Variants in TFPI observed in about 807,000 individuals in gnomAD.
TFPI encodes tissue factor pathway inhibitor.
Under a neutral mutation model 34.6 loss-of-function variants are expected in TFPI, and 15 were observed. The ratio of observed to expected loss-of-function variants is 0.43; its 90% CI spans 0.29 to 0.67. TFPI has a LOEUF of 0.67. Ranked by LOEUF, TFPI falls within the 30% of genes least tolerant of loss-of-function variation. The pLI, the probability that TFPI is intolerant of heterozygous loss-of-function variation, is 0.15. For missense variants in TFPI, 301 were observed against 364.0 expected (o/e 0.83, Z 1.41); for synonymous variants, 105 against 120.1 (o/e 0.87, Z 0.82).
At chr2:187,502,037 A>T (rs1195005248) in intron 2 of TFPI, among the ~76,000 whole-genome samples, 1 of 152,168 alleles carries the variant, frequency 6.6e-6, no homozygotes, top group Non-Finnish European at 1.5e-5. Context: ...TCTCCTAAAT[A>T]GAATTTTTTC....
In TFPI at chr2:187,522,565, A is replaced by G. The variant is rs182896718; in HGVS notation, c.-2-18795T>C. Among the ~76,000 whole-genome samples, 13 of 151,966 alleles carry G rather than the reference A, an allele frequency of 8.6e-5. No homozygotes were observed. The East Asian group carries it at 1.9e-3, about 23-fold the overall frequency. On this transcript the variant is annotated intron_variant, in intron 1 of 7. Transcript: ENST00000233156. ...GAGGGCAGATCTATTTTGTCTTCCT[A>G]TCACAAAACAAACAGAAAACGAAAA... is the stretch of plus-strand genomic sequence containing the variant.
At chr2:187,469,050 A>G (rs1484693127) in intron 6 of TFPI, among the ~76,000 whole-genome samples, 1 of 152,034 alleles carries the variant, frequency 6.6e-6, no homozygotes, top group African/African-American at 2.4e-5. Context: ...AGATGAACAG[A>G]CTGTAAAAGA....
chr2:187,468,136 C>G (rs1691819125), intron 6 of TFPI, among the ~76,000 whole-genome samples: 1 of 151,972 alleles, frequency 6.6e-6, no homozygotes, highest in South Asian at 2.1e-4. Flanking sequence ...AGATCTTTCT[C>G]CAATGAATTA....
chr2:187,544,970 C>A (rs1018327552), intron 1 of TFPI, among the ~76,000 whole-genome samples: 7 of 151,958 alleles, frequency 4.6e-5, no homozygotes, highest in African/African-American at 1.7e-4. Flanking sequence ...CAAAAATAAG[C>A]CGGTTGTGGT....
chr2:187,534,491 A>G (rs1356174964), intron 1 of TFPI, among the ~76,000 whole-genome samples: 1 of 152,232 alleles, frequency 6.6e-6, no homozygotes, highest in Non-Finnish European at 1.5e-5. Context: ...TGAAGTATAA[A>G]TAAAATATTT....
chr2:187,484,740 G>A (rs1435915796), intron 5 of TFPI, 71 bp downstream of exon 5: 1 of 1,381,178 alleles, frequency 7.2e-7, no homozygotes, highest in Non-Finnish European at 9.8e-7. Flanking sequence ...AGTATAGAAT[G>A]CCATCTGAGA....
At chr2:187,486,786 T>G (rs1347728613) in intron 4 of TFPI, among the ~76,000 whole-genome samples, 1 of 151,684 alleles carries the variant, frequency 6.6e-6, no homozygotes, top group African/African-American at 2.4e-5. Flanking sequence ...GAATGCAGAC[T>G]GGATAAGCTA....
intron 6 of TFPI, among the ~76,000 whole-genome samples, chr2:187,469,348 A>G (rs1227309715): frequency 6.6e-6 from 1 of 152,142 alleles, no homozygotes; most frequent in Non-Finnish European, 1.5e-5. Flanking sequence ...GTCTTTGACT[A>G]GGTATATATG....
intron 6 of TFPI, among the ~76,000 whole-genome samples, chr2:187,481,221 A>G (rs1424837881): frequency 6.6e-6 from 1 of 152,070 alleles, no homozygotes; most frequent in African/African-American, 2.4e-5. Context: ...ACTTTAAAGG[A>G]TTTACAGCTT....
chr2:187,512,774 T>TG (rs199608529), intron 1 of TFPI, among the ~76,000 whole-genome samples: 6,510 of 151,386 alleles, frequency 0.043, 397 homozygotes, highest in African/African-American at 0.14. Flanking sequence ...GAAAAAAAGT[T>TG]GGGGGGGGCC....
intron 1 of TFPI, among the ~76,000 whole-genome samples, chr2:187,539,344 T>C (rs1378605752): frequency 2.0e-5 from 3 of 152,170 alleles, no homozygotes; most frequent in Non-Finnish European, 2.9e-5. Flanking sequence ...AATATATTGA[T>C]GTTATTTTAT....
intron 1 of TFPI, among the ~76,000 whole-genome samples, chr2:187,537,737 T>C (rs1688341494): frequency 6.6e-6 from 1 of 151,894 alleles, no homozygotes. Flanking sequence ...AATTGACAAA[T>C]GGGATCTAAT....
intron 1 of TFPI, among the ~76,000 whole-genome samples, chr2:187,523,622 T>C (rs547910653): frequency 5.3e-5 from 8 of 152,276 alleles, no homozygotes; most frequent in African/African-American, 1.9e-4. Flanking sequence ...CTCTTTGTGC[T>C]GTAGCTGTCT....
intron 4 of TFPI, among the ~76,000 whole-genome samples, chr2:187,486,481 T>G (rs1259486468): frequency 6.6e-6 from 1 of 151,440 alleles, no homozygotes; most frequent in African/African-American, 2.4e-5. Context: ...ACACCTAATA[T>G]GTACCCACAA....
intron 1 of TFPI, chr2:187,519,200 A>T (rs575405499): frequency 6.6e-6 from 1 of 152,192 alleles, no homozygotes; most frequent in East Asian, 1.9e-4. Context: ...AAGGAGTGTG[A>T]TCTGTTGGAG....
intron 3 of TFPI, among the ~76,000 whole-genome samples, chr2:187,490,220 G>C (rs1685025758): frequency 6.6e-6 from 1 of 151,606 alleles, no homozygotes; most frequent in Non-Finnish European, 1.5e-5. Context: ...GGGTGTGCAA[G>C]GAGAGTGTTA....
intron 2 of TFPI, among the ~76,000 whole-genome samples, chr2:187,497,378 T>C (rs1685556584): frequency 6.6e-6 from 1 of 152,042 alleles, no homozygotes; most frequent in Non-Finnish European, 1.5e-5. Context: ...ACAATAGACC[T>C]CTTTTAACTC....
intron 1 of TFPI, among the ~76,000 whole-genome samples, chr2:187,540,720 A>G (rs1688533582): frequency 1.3e-5 from 2 of 151,902 alleles, no homozygotes; most frequent in Admixed American, 1.3e-4. Flanking sequence ...GTGAAACCCC[A>G]TCTCTACTAA....
intron 1 of TFPI, among the ~76,000 whole-genome samples, chr2:187,504,596 A>AGTC (rs1686075862): frequency 6.6e-6 from 1 of 151,906 alleles, no homozygotes; most frequent in Admixed American, 6.6e-5. Context: ...GAAAGAAGTA[A>AGTC]GTCACCTTTA....
Sources: gnomAD v4.1 joint callset for allele counts (sites outside exome capture counted in the v4.1 genomes callset) on GRCh38, gnomAD v4.1.1 for gene constraint, MANE v1.5 for transcripts, NCBI Gene and HGNC (gene_info 2026-07-23, HGNC 2026-07-21) for gene names.